The following ST6GAL2 variants were observed in gnomAD, a reference collection of about 807,000 sequenced individuals.
ST6GAL2 encodes the protein beta-galactoside alpha-2,6-sialyltransferase 2.
A neutral mutation model predicts 37.5 loss-of-function variants in ST6GAL2; 24 were observed. The observed-to-expected ratio is 0.64, with a 90% confidence interval of 0.46 to 0.90. ST6GAL2 has a LOEUF of 0.90. Ranked by LOEUF, ST6GAL2 falls within the 40% of genes least tolerant of loss-of-function variation. The pLI is 0.00. For missense variants in ST6GAL2, 715 were observed against 712.7 expected (o/e 1.00, Z -0.04); for synonymous variants, 306 against 295.1 (o/e 1.04, Z -0.38).
intron 5 of ST6GAL2, among the ~76,000 whole-genome samples, chr2:106,814,827 G>C (rs1408270262): frequency 6.6e-6 from 1 of 152,142 alleles, no homozygotes; most frequent in African/African-American, 2.4e-5. Context: ...CCTCAGTCAG[G>C]CACAGTCAAA....
chr2:106,824,766 T>A (rs960709047), intron 5 of ST6GAL2: 1 of 152,182 alleles, frequency 6.6e-6, no homozygotes, highest in Non-Finnish European at 1.5e-5. Context: ...TAAATACAAA[T>A]AAAAATAATT....
At chr2:106,835,914 T>C (rs899703518) in intron 2 of ST6GAL2, among the ~76,000 whole-genome samples, 8 of 152,170 alleles carry the variant, frequency 5.3e-5, no homozygotes, top group African/African-American at 1.9e-4. Flanking sequence ...GGATTTCTTA[T>C]TTATTTTTAT....
intron 5 of ST6GAL2, among the ~76,000 whole-genome samples, chr2:106,810,139 A>C (rs1675553549): frequency 6.6e-6 from 1 of 152,112 alleles, no homozygotes; most frequent in Admixed American, 6.5e-5. Flanking sequence ...CTTGAATCTG[A>C]TTGTTTTTCC....
At chr2:106,877,068 T>C (rs964294598) in intron 1 of ST6GAL2, among the ~76,000 whole-genome samples, 6 of 152,180 alleles carry the variant, frequency 3.9e-5, no homozygotes, top group African/African-American at 1.4e-4. Flanking sequence ...CCATTTGACA[T>C]CATGCAGAGA....
chr2:106,881,945 A>G (rs1216253442), intron 1 of ST6GAL2, among the ~76,000 whole-genome samples: 1 of 152,178 alleles, frequency 6.6e-6, no homozygotes, highest in Non-Finnish European at 1.5e-5. Context: ...CAGTAACTCA[A>G]AGCAGATGGA....
chr2:106,817,620 C>T (rs1249111445), intron 5 of ST6GAL2, among the ~76,000 whole-genome samples: 1 of 152,164 alleles, frequency 6.6e-6, no homozygotes, highest in Non-Finnish European at 1.5e-5. Context: ...GCCATGTTGG[C>T]TTCAGGTGAC....
intron 1 of ST6GAL2, among the ~76,000 whole-genome samples, chr2:106,879,705 T>C (rs1278528599): frequency 1.4e-5 from 2 of 147,944 alleles, no homozygotes; most frequent in East Asian, 3.9e-4. Flanking sequence ...TATTATTATA[T>C]AGACCAATTA....
chr2:106,819,895 C>A (rs1675935982), intron 5 of ST6GAL2, among the ~76,000 whole-genome samples: 1 of 151,730 alleles, frequency 6.6e-6, no homozygotes, highest in Non-Finnish European at 1.5e-5. Flanking sequence ...TTTATTTATG[C>A]AATTGGTTTA....
At chr2:106,846,577 T>C (rs1677152658) in intron 1 of ST6GAL2, among the ~76,000 whole-genome samples, 1 of 152,222 alleles carries the variant, frequency 6.6e-6, no homozygotes. Flanking sequence ...CTGCAACATT[T>C]TCAGATAAGA....
At chr2:106,854,241 G>A (rs1453890726) in intron 1 of ST6GAL2, among the ~76,000 whole-genome samples, 2 of 152,180 alleles carry the variant, frequency 1.3e-5, no homozygotes, top group Non-Finnish European at 2.9e-5. Flanking sequence ...TAAAGGCCAT[G>A]CACGGTTGAC....
At chr2:106,885,184 C>G (rs1226959017) in intron 1 of ST6GAL2, among the ~76,000 whole-genome samples, 1 of 151,804 alleles carries the variant, frequency 6.6e-6, no homozygotes, top group Admixed American at 6.6e-5. Context: ...CCCAAGCAGG[C>G]AGTCCTCGGC....
At chr2:106,811,065 T>G (rs559743072) in intron 5 of ST6GAL2, among the ~76,000 whole-genome samples, 1 of 152,048 alleles carries the variant, frequency 6.6e-6, no homozygotes, top group Non-Finnish European at 1.5e-5. Context: ...CATTTTAACT[T>G]TTTTTTTCAG....
intron 1 of ST6GAL2, among the ~76,000 whole-genome samples, chr2:106,872,410 T>C (rs1257147972): frequency 6.6e-6 from 1 of 152,116 alleles, no homozygotes; most frequent in African/African-American, 2.4e-5. Flanking sequence ...CCACTAACAG[T>C]CAGCATCCAT....
intron 1 of ST6GAL2, among the ~76,000 whole-genome samples, chr2:106,869,175 A>G (rs1321731344): frequency 1.3e-5 from 2 of 151,864 alleles, no homozygotes; most frequent in East Asian, 3.9e-4. Flanking sequence ...CAAGACAGAT[A>G]CTCCAGGAGA....
intron 2 of ST6GAL2, chr2:106,834,878 A>G (rs1356561351): frequency 2.0e-5 from 3 of 152,226 alleles, no homozygotes; most frequent in African/African-American, 4.8e-5. Context: ...AACTTGAACT[A>G]TGAATGCAAC....
At chr2:106,862,758 T>C (rs1558719484) in intron 1 of ST6GAL2, among the ~76,000 whole-genome samples, 1 of 152,186 alleles carries the variant, frequency 6.6e-6, no homozygotes, top group African/African-American at 2.4e-5. Flanking sequence ...TTACTTTTAT[T>C]AGGCTTTACT....
intron 5 of ST6GAL2, among the ~76,000 whole-genome samples, chr2:106,828,854 C>T (rs148201060): frequency 5.9e-5 from 9 of 152,108 alleles, no homozygotes; most frequent in African/African-American, 2.2e-4. Context: ...ATCAAAGAAA[C>T]AATGGGGTGA....
In ST6GAL2 at chr2:106,802,204, T is replaced by C. The variant is rs1455790416; in HGVS notation, c.*4474A>G. The C allele has an allele frequency of 6.6e-6, 1 of 152,180 alleles. No homozygotes were observed. Among genetic ancestry groups the C allele is most frequent in the Non-Finnish European group, 1.5e-5 (1 of 68,018 alleles). 9.4% of individuals were successfully genotyped at this position (152,180 alleles called of 1,614,324 possible). On this transcript the variant is annotated 3_prime_UTR_variant, in exon 6 of 6. Transcript: ENST00000409382. Reference sequence around the variant, plus strand: ...TTTTTTCTTTTAACAGAAGGACATATAACATTTGCTTCCTTCTCTCAAAAT... The same window carrying C: ...TTTTTTCTTTTAACAGAAGGACATACAACATTTGCTTCCTTCTCTCAAAAT...
intron 1 of ST6GAL2, among the ~76,000 whole-genome samples, chr2:106,875,798 G>A (rs1001213744): frequency 5.9e-5 from 9 of 152,286 alleles, no homozygotes; most frequent in Non-Finnish European, 1.0e-4. Context: ...TGACCATATA[G>A]GAAGCTTCCA....
Sources: allele counts gnomAD v4.1 joint callset (sites outside exome capture counted in the v4.1 genomes callset), GRCh38; gene constraint gnomAD v4.1.1; transcripts MANE v1.5; gene names NCBI Gene and HGNC (gene_info 2026-07-23, HGNC 2026-07-21).